The following ARMC9 variants were observed in gnomAD, a reference collection of about 807,000 sequenced individuals.
The protein encoded by ARMC9 is lisH domain-containing protein ARMC9.
Under a neutral mutation model 107.0 loss-of-function variants are expected in ARMC9, and 94 were observed. The ratio of observed to expected loss-of-function variants is 0.88; its 90% CI spans 0.74 to 1.04. ARMC9 has a LOEUF of 1.04. ARMC9 is among the 50% of genes least tolerant of loss of function. The pLI, the probability that ARMC9 is intolerant of heterozygous loss-of-function variation, is 0.00. For synonymous variants in ARMC9, 380 were observed against 396.9 expected (o/e 0.96, Z 0.51); for missense variants, 942 against 1,030.1 (o/e 0.91, Z 1.17).
intron 19 of ARMC9, among the ~76,000 whole-genome samples, chr2:231,319,806 C>T (rs1006262622): frequency 3.9e-5 from 6 of 152,262 alleles, no homozygotes; most frequent in South Asian, 4.1e-4. Flanking sequence ...TTGGACCACA[C>T]GGGGACATGA....
intron 20 of ARMC9, among the ~76,000 whole-genome samples, 167 bp from the exon 21 acceptor site, chr2:231,344,808 C>T (rs1221570882): frequency 6.6e-6 from 1 of 152,174 alleles, no homozygotes; most frequent in African/African-American, 2.4e-5. Flanking sequence ...AAGGGTTTTT[C>T]CCCACAATTT....
chr2:231,323,946 C>T (rs2043144045), intron 19 of ARMC9, among the ~76,000 whole-genome samples: 1 of 152,124 alleles, frequency 6.6e-6, no homozygotes, highest in Admixed American at 6.5e-5. Context: ...CTGTTGTGAG[C>T]AGGTCAGCTG....
chr2:231,298,739 C>A (rs1443522770), intron 19 of ARMC9, among the ~76,000 whole-genome samples: 1 of 152,152 alleles, frequency 6.6e-6, no homozygotes, highest in Non-Finnish European at 1.5e-5. Context: ...TTGAGACCAG[C>A]CTGGCCCACA....
rs79345552 is a variant in ARMC9 at position 231,315,917 on chromosome 2, C to G, written c.1774-15876C>G. ...TTTAATAACTCTACTAACTTTTTAG[C>G]CGTATTTGCCTTTTTGTTTGTAAGT... On this transcript the variant is annotated intron_variant, in intron 19 of 24. Transcript: ENST00000611582. 2.7e-3 allele frequency among the ~76,000 whole-genome samples: 409 copies of G among 152,230 alleles called. 4 individuals carry two copies. Among genetic ancestry groups the G allele is most frequent in the African/African-American group, 9.5e-3 (393 of 41,526 alleles).
intron 14 of ARMC9, among the ~76,000 whole-genome samples, chr2:231,274,974 G>A (rs2039637397): frequency 6.6e-6 from 1 of 151,422 alleles, no homozygotes; most frequent in Admixed American, 6.6e-5. Flanking sequence ...GATCGCTTTG[G>A]GGAAGTTTTT....
chr2:231,256,581 C>T lies in ARMC9; in HGVS notation c.880-5C>T. On this transcript the variant is annotated splice_polypyrimidine_tract_variant and splice_region_variant and intron_variant, in intron 9 of 24. Coordinates refer to ENST00000611582, the MANE Select transcript of ARMC9 (RefSeq NM_001352754.2). ...ATCTGTTTTCTTCTGTCCTCTTCCC[C>T]CCAGGCATCCACCATGTTACGAGCC... 1.2e-6 allele frequency: 2 copies of T among 1,614,052 alleles called. No homozygotes were observed. The highest frequency in any genetic ancestry group is 1.7e-6 in the Non-Finnish European group (2 of 1,179,948).
chr2:231,314,030 G>A (rs2042514902), intron 19 of ARMC9, among the ~76,000 whole-genome samples: 1 of 150,270 alleles, frequency 6.7e-6, no homozygotes, highest in Admixed American at 6.6e-5. Flanking sequence ...AAAGTACTGG[G>A]ATTACAGGCA....
At chr2:231,200,632 C>T (rs1301348974) in intron 1 of ARMC9, among the ~76,000 whole-genome samples, 1 of 152,154 alleles carries the variant, frequency 6.6e-6, no homozygotes, top group Admixed American at 6.5e-5. Flanking sequence ...CAGATTGCAC[C>T]TTTGCACTCC....
rs192579036 is a variant in ARMC9 at position 231,201,330 on chromosome 2, C to T, written c.-42+2632C>T. On this transcript the variant is annotated intron_variant, in intron 1 of 24. Coordinates refer to ENST00000611582, the MANE Select transcript of ARMC9 (RefSeq NM_001352754.2). ...CCTTGCCAGCCCTCCCTGAGGTAGCCACTTCCCAGGGCAAGTCTCTCCAGT... is the reference window on the plus strand; with the variant it reads ...CCTTGCCAGCCCTCCCTGAGGTAGCTACTTCCCAGGGCAAGTCTCTCCAGT... Among the ~76,000 whole-genome samples the T allele has an allele frequency of 4.4e-3, 667 of 152,338 alleles. 3 individuals are homozygous for T. Among genetic ancestry groups the T allele is most frequent in the Middle Eastern group, 0.01 (3 of 292 alleles).
chr2:231,200,432 T>C (rs940794424), intron 1 of ARMC9, among the ~76,000 whole-genome samples: 5 of 152,164 alleles, frequency 3.3e-5, no homozygotes, highest in Non-Finnish European at 7.4e-5. Context: ...CTGTAATCCC[T>C]GCACTTTGGG....
At chr2:231,363,950 A>G (rs902114967) in intron 23 of ARMC9, among the ~76,000 whole-genome samples, 1 of 146,706 alleles carries the variant, frequency 6.8e-6, no homozygotes, top group Non-Finnish European at 1.5e-5. Flanking sequence ...CCCAACCCCC[A>G]TGGTGAAATT....
At chr2:231,316,523 G>T (rs933297426) in intron 19 of ARMC9, among the ~76,000 whole-genome samples, 6 of 151,802 alleles carry the variant, frequency 4.0e-5, no homozygotes, top group African/African-American at 1.5e-4. Flanking sequence ...TTAGCCAAGC[G>T]TGGTGGCACA....
chr2:231,299,863 C>T (rs1451197383), intron 19 of ARMC9, among the ~76,000 whole-genome samples: 1 of 152,144 alleles, frequency 6.6e-6, no homozygotes, highest in African/African-American at 2.4e-5. Context: ...AGAAACAAAA[C>T]CATCATTAGA....
chr2:231,323,980 C>A (rs976558072), intron 19 of ARMC9, among the ~76,000 whole-genome samples: 2 of 152,128 alleles, frequency 1.3e-5, no homozygotes, highest in African/African-American at 2.4e-5. Context: ...CTGCCCCAGG[C>A]CCCCTGCTCA....
intron 9 of ARMC9, 139 bp from the exon 10 acceptor site, chr2:231,256,446 TA>T (rs376282515): frequency 9.1e-3 from 8,384 of 919,032 alleles, no homozygotes; most frequent in Non-Finnish European, 0.011. Context: ...TGTTTCAAGT[TA>T]AAAAAAAAAA....
intron 23 of ARMC9, among the ~76,000 whole-genome samples, chr2:231,365,523 G>A (rs1000720761): frequency 1.4e-4 from 21 of 152,284 alleles, no homozygotes; most frequent in Middle Eastern, 6.8e-3. Flanking sequence ...GCCCCTAGGC[G>A]ACTCTGCCCA....
At chr2:231,318,929 AG>A (rs748355952) in intron 19 of ARMC9, among the ~76,000 whole-genome samples, 6 of 152,182 alleles carry the variant, frequency 3.9e-5, no homozygotes, top group African/African-American at 7.2e-5. Context: ...CAGAGATGAT[AG>A]CCAGGTGACC....
At chr2:231,264,730 C>T (rs1157559908) in intron 12 of ARMC9, among the ~76,000 whole-genome samples, 4 of 152,048 alleles carry the variant, frequency 2.6e-5, no homozygotes, top group Non-Finnish European at 5.9e-5. Context: ...CTCCTGACCT[C>T]GGGTGATCCG....
At chr2:231,275,065 C>T (rs2039646238) in intron 14 of ARMC9, among the ~76,000 whole-genome samples, 1 of 152,190 alleles carries the variant, frequency 6.6e-6, no homozygotes, top group Non-Finnish European at 1.5e-5. Context: ...CAAATGTTTA[C>T]TGCCTGTTTA....
Sources: allele counts gnomAD v4.1 joint callset (sites outside exome capture counted in the v4.1 genomes callset), GRCh38; gene constraint gnomAD v4.1.1; transcripts MANE v1.5; gene names NCBI Gene and HGNC (gene_info 2026-07-23, HGNC 2026-07-21).